The following ZFHX4 variants were observed in gnomAD, a reference collection of about 807,000 sequenced individuals.
The protein encoded by ZFHX4 is zinc finger homeobox protein 4.
Under a neutral mutation model 267.6 loss-of-function variants are expected in ZFHX4, and 56 were observed. That is an observed-to-expected ratio of 0.21 (90% CI 0.17 to 0.26). The LOEUF is 0.26. ZFHX4 is among the 10% of genes least tolerant of loss of function. The pLI is 1.00. For synonymous variants in ZFHX4, 1,778 were observed against 1,665.6 expected (o/e 1.07, Z -1.64); for missense variants, 4,332 against 4,420.0 (o/e 0.98, Z 0.56).
At chr8:76,737,979 A>C (rs1202743142) in intron 3 of ZFHX4, among the ~76,000 whole-genome samples, 1 of 152,212 alleles carries the variant, frequency 6.6e-6, no homozygotes, top group African/African-American at 2.4e-5. Flanking sequence ...GGAAGGGAAC[A>C]GTGTGGCATT....
intron 4 of ZFHX4, among the ~76,000 whole-genome samples, chr8:76,813,278 C>G (rs534737538): frequency 6.6e-6 from 1 of 152,156 alleles, no homozygotes; most frequent in East Asian, 1.9e-4. Flanking sequence ...TCTAAAGGCA[C>G]CTTTTTCCCC....
chr8:76,749,299 A>G (rs1462074144), intron 3 of ZFHX4, among the ~76,000 whole-genome samples: 1 of 152,170 alleles, frequency 6.6e-6, no homozygotes, highest in African/African-American at 2.4e-5. Flanking sequence ...CTGACAATAA[A>G]TTGATCTTTT....
At position 76,852,103 on chromosome 8, in the gene ZFHX4, G is replaced by A; in HGVS notation, c.5182G>A (p.Ala1728Thr). The A allele has an allele frequency of 6.2e-7, 1 of 1,613,904 alleles. No individual in the cohort carries two copies. The highest frequency in any genetic ancestry group is 8.5e-7 in the Non-Finnish European group (1 of 1,179,858). The stretch of plus-strand genomic sequence containing the variant: ...GCCTCATTTTCCTATGACCCCAGAA[G>A]CACTGCTGCAGTTTCAGCAGCCTCA... ...FLPHFPMTPE[A>T]LLQFQQPQFL... Residue 1728 changes from alanine to threonine, a missense_variant, in exon 10 of 11, where the codon GCA (alanine) becomes ACA (threonine). Ala to Thr is a moderately conservative substitution (Grantham distance 58). Around this residue, in one of 7 missense-constraint regions of ZFHX4, gnomAD observed 1,371 missense variants for 1,423.1 expected, o/e 0.96. Coordinates refer to ENST00000651372, the MANE Select transcript of ZFHX4 (RefSeq NM_024721.5).
In ZFHX4 at chr8:76,863,790, A is replaced by T; in HGVS notation, c.10076A>T (p.Asn3359Ile). The change falls in exon 11 of 11, where the codon AAC (asparagine) becomes ATC (isoleucine). Residue 3359 changes from asparagine to isoleucine, a missense_variant. Asn to Ile is a moderately radical substitution (Grantham distance 149, BLOSUM62 -3). Transcript: ENST00000651372. ...TSKVESDQPQ[N>I]SNDASETKED... The stretch of plus-strand genomic sequence containing the variant: ...AAAGTAGAAAGTGACCAGCCGCAAA[A>T]CTCCAACGATGCTTCAGAAACAAAG... 6.4e-7 allele frequency: 1 copy of T among 1,552,276 alleles called. No homozygotes were observed. Among genetic ancestry groups the T allele is most frequent in the East Asian group, 2.4e-5 (1 of 40,936 alleles).
intron 1 of ZFHX4, among the ~76,000 whole-genome samples, chr8:76,684,135 A>C (rs1196130816): frequency 6.6e-6 from 1 of 152,082 alleles, no homozygotes; most frequent in African/African-American, 2.4e-5. Context: ...AATAAAACAG[A>C]AAGGAGATAT....
At chr8:76,833,066 T>C (rs184114662) in intron 4 of ZFHX4, among the ~76,000 whole-genome samples, 1 of 152,236 alleles carries the variant, frequency 6.6e-6, no homozygotes, top group African/African-American at 2.4e-5. Flanking sequence ...ATGACAAAAA[T>C]CATGATGAGC....
intron 4 of ZFHX4, among the ~76,000 whole-genome samples, chr8:76,832,224 G>T (rs955546074): frequency 9.9e-5 from 15 of 151,940 alleles, no homozygotes; most frequent in Admixed American, 9.8e-4. Flanking sequence ...GATTTCCTTT[G>T]GCAGTTAAGA....
chr8:76,795,767 C>G (rs970240486), intron 4 of ZFHX4, among the ~76,000 whole-genome samples: 1 of 152,034 alleles, frequency 6.6e-6, no homozygotes, highest in Non-Finnish European at 1.5e-5. Flanking sequence ...GATCTCCTGA[C>G]CTCAGGTGAT....
chr8:76,825,522 T>C (rs963340939), intron 4 of ZFHX4, among the ~76,000 whole-genome samples: 1 of 152,242 alleles, frequency 6.6e-6, no homozygotes, highest in African/African-American at 2.4e-5. Flanking sequence ...GTAGCAGAAG[T>C]TGGCAATTTT....
At chr8:76,836,597 A>C (rs558076117) in intron 5 of ZFHX4, among the ~76,000 whole-genome samples, 1 of 152,118 alleles carries the variant, frequency 6.6e-6, no homozygotes, top group Admixed American at 6.6e-5. Context: ...AACATGGAGA[A>C]AGATGAGGGA....
At chr8:76,778,498 CACACACACACAA>C in intron 4 of ZFHX4, 59 bp downstream of exon 4, 4 of 1,315,066 alleles carry the variant, frequency 3.0e-6, no homozygotes, top group African/African-American at 1.4e-5. Flanking sequence ...TCATCACACA[CACACACACACAA>C]ACACACACAC....
intron 3 of ZFHX4, among the ~76,000 whole-genome samples, chr8:76,754,069 G>A (rs942260004): frequency 2.0e-5 from 3 of 152,154 alleles, no homozygotes; most frequent in South Asian, 4.1e-4. Context: ...CTGGTAGAAC[G>A]TGATTCTTAT....
At chr8:76,686,527 T>C (rs1807697265) in intron 1 of ZFHX4, among the ~76,000 whole-genome samples, 1 of 152,210 alleles carries the variant, frequency 6.6e-6, no homozygotes. Flanking sequence ...TATCTAATTA[T>C]ATTCAATTAA....
intron 3 of ZFHX4, among the ~76,000 whole-genome samples, chr8:76,723,200 G>A (rs1481553381): frequency 6.6e-6 from 1 of 152,044 alleles, no homozygotes; most frequent in Non-Finnish European, 1.5e-5. Context: ...AAAAATGAAT[G>A]TGTAAAGTTT....
intron 3 of ZFHX4, among the ~76,000 whole-genome samples, chr8:76,773,303 A>G (rs1810316390): frequency 1.3e-5 from 2 of 152,162 alleles, no homozygotes; most frequent in African/African-American, 2.4e-5. Flanking sequence ...ATTCAGATAA[A>G]TGGAGATGAG....
At chr8:76,685,845 C>T (rs1269556103) in intron 1 of ZFHX4, among the ~76,000 whole-genome samples, 1 of 152,184 alleles carries the variant, frequency 6.6e-6, no homozygotes, top group African/African-American at 2.4e-5. Flanking sequence ...GCTATCATTG[C>T]ATTTTGTGGC....
intron 5 of ZFHX4, 57 bp from the exon 6 acceptor site, chr8:76,842,598 C>A: frequency 7.7e-7 from 1 of 1,294,214 alleles, no homozygotes; most frequent in Non-Finnish European, 1.1e-6. Flanking sequence ...TAGTTTATTT[C>A]AGTGTGAACT....
In ZFHX4 at chr8:76,704,525, A is replaced by G; in HGVS notation, c.437A>G (p.Lys146Arg). The change falls in exon 2 of 11, where the codon AAA becomes AGA. Residue 146 changes from lysine (K) to arginine (R), a missense_variant. By Grantham distance (26) the Lys-to-Arg change is conservative. Around this residue, in one of 7 missense-constraint regions of ZFHX4, gnomAD observed 1,195 missense variants for 1,173.6 expected, o/e 1.02. Coordinates refer to ENST00000651372, the MANE Select transcript of ZFHX4 (RefSeq NM_024721.5). ...DGSAYIIEDS[K>R]ESGQNAQTGA... ...TCAGCATATATAATTGAGGACTCCA[A>G]AGAAAGTGGGCAGAATGCACAGACT... 6.2e-7 allele frequency: 1 copy of G among 1,613,980 alleles called. No homozygotes were observed. Among genetic ancestry groups the G allele is most frequent in the Non-Finnish European group, 8.5e-7 (1 of 1,179,886 alleles).
In ZFHX4 at chr8:76,854,800, G is replaced by A. The variant is rs747866210; in HGVS notation, c.7879G>A (p.Asp2627Asn). The A allele has an allele frequency of 1.4e-5, 23 of 1,610,866 alleles. No individual in the cohort carries two copies. The highest frequency in any genetic ancestry group is 1.2e-4 in the Admixed American group (7 of 59,382). ...AATACTCTATGAAAAATACTTGCTG[G>A]ATTCCAATCCTACCAGAAAAATGCT... ...LEILYEKYLL[D>N]SNPTRKMLDH... Residue 2627 changes from aspartate to asparagine, a missense_variant, in exon 10 of 11, where the codon GAT (aspartate) becomes AAT (asparagine). Physicochemically the swap from Asp to Asn is conservative, Grantham distance 23. Transcript: ENST00000651372.
Sources: gnomAD v4.1 joint callset for allele counts (sites outside exome capture counted in the v4.1 genomes callset) on GRCh38, gnomAD v4.1.1 for gene constraint, gnomAD v4.1.1 regional missense constraint, MANE v1.5 for transcripts, NCBI Gene and HGNC (gene_info 2026-07-23, HGNC 2026-07-21) for gene names.